The following LARP1B variants were observed in gnomAD, a reference collection of about 807,000 sequenced individuals.
The protein encoded by LARP1B is la-related protein 1B.
In LARP1B, 76 loss-of-function variants were observed where a neutral mutation model predicts 114.2. The ratio of observed to expected loss-of-function variants is 0.67; its 90% CI spans 0.55 to 0.81. The LOEUF is 0.81. Ranked by LOEUF, LARP1B falls within the 30% of genes least tolerant of loss-of-function variation. The pLI is 0.00. For missense variants in LARP1B, 1,014 were observed against 1,075.8 expected, an observed-to-expected ratio of 0.94 and a Z score of 0.80; for synonymous variants, 345 against 348.0, an observed-to-expected ratio of 0.99 and a Z score of 0.10.
rs34136994 is a variant in LARP1B at position 128,181,801 on chromosome 4, CTTTTTTTTTTT to C, written c.2003+2301_2003+2311del. Reference sequence around the variant, plus strand: ...CAAACTTTATTATTATTATGATGTCCTTTTTTTTTTTTTTTTTTTTTTGAGACGAAGTCTCG... The same window carrying C: ...CAAACTTTATTATTATTATGATGTCCTTTTTTTTTTTGAGACGAAGTCTCG... On this transcript the variant is annotated intron_variant, in intron 15 of 19. Transcript: ENST00000326639. Among the ~76,000 whole-genome samples the C allele has an allele frequency of 4.0e-4, 31 of 77,176 alleles. No homozygotes were observed. The East Asian group carries it at 6.1e-3, about 15-fold the overall frequency. The allele number at this position is 77,176 out of a possible 152,430, so 50.6% of individuals were successfully genotyped here.
intron 10 of LARP1B, among the ~76,000 whole-genome samples, chr4:128,116,042 T>A (rs1785691448): frequency 6.6e-6 from 1 of 152,208 alleles, no homozygotes; most frequent in South Asian, 2.1e-4. Flanking sequence ...TATATCTGGT[T>A]TATATATGTT....
chr4:128,066,165 CTTTTTTT>C (rs59927866), intron 1 of LARP1B, among the ~76,000 whole-genome samples: 12 of 99,188 alleles, frequency 1.2e-4, no homozygotes, highest in East Asian at 3.0e-4. Flanking sequence ...TTTCTTTCTT[CTTTTTTT>C]TTTTTTTTTT....
intron 8 of LARP1B, among the ~76,000 whole-genome samples, chr4:128,101,160 C>A (rs551313739): frequency 6.7e-6 from 1 of 149,348 alleles, no homozygotes; most frequent in Non-Finnish European, 1.5e-5. Flanking sequence ...TTTTTGAACA[C>A]GTGTGCTTCG....
exon 8 of LARP1B, chr4:128,222,368 T>G (rs1380832694): frequency 2.2e-6 from 1 of 456,736 alleles, no homozygotes; most frequent in Non-Finnish European, 4.4e-6. Context: ...GATCGATTAC[T>G]TCTGCTCATC....
intron 1 of LARP1B, among the ~76,000 whole-genome samples, chr4:128,063,249 A>G (rs1761013977): frequency 6.6e-6 from 1 of 150,884 alleles, no homozygotes; most frequent in African/African-American, 2.4e-5. Context: ...CAATATGGCG[A>G]AACCCCGTCT....
At chr4:128,198,389 C>T (rs886488099) in intron 15 of LARP1B, among the ~76,000 whole-genome samples, 1 of 152,170 alleles carries the variant, frequency 6.6e-6, no homozygotes, top group Non-Finnish European at 1.5e-5. Flanking sequence ...TCATGTTTGT[C>T]ACACACAAAA....
chr4:128,140,730 T>G (rs535672186), intron 11 of LARP1B, among the ~76,000 whole-genome samples: 3 of 152,188 alleles, frequency 2.0e-5, no homozygotes, highest in Admixed American at 6.5e-5. Flanking sequence ...GGATGGGTAG[T>G]ACAAAAGAGG....
Position 128,162,224 on chromosome 4 carries a change from C to G in LARP1B, c.1555C>G (p.Leu519Val). 6.2e-7 allele frequency: 1 copy of G among 1,612,572 alleles called. No homozygotes were observed. The highest frequency in any genetic ancestry group is 8.5e-7 in the Non-Finnish European group (1 of 1,178,946). Reference protein sequence around the residue: ...QEVENFKKLNLISKEQFENLT... With the variant: ...QEVENFKKLNVISKEQFENLT... ...AGTTGAGAACTTTAAGAAGCTAAAT[C>G]TCATTAGTAAAGAGCAGTTTGAAAA... Residue 519 changes from leucine to valine, a missense_variant, in exon 12 of 20, where the codon CTC becomes GTC. Physicochemically the swap from Leu to Val is conservative, Grantham distance 32 (BLOSUM62 1). Coordinates refer to ENST00000326639, the MANE Select transcript of LARP1B (RefSeq NM_018078.4).
chr4:128,156,097 T>C (rs917078578), intron 11 of LARP1B: 18 of 1,605,912 alleles, frequency 1.1e-5, no homozygotes, highest in African/African-American at 4.0e-5. Context: ...GGTCTTCACC[T>C]ACCCCAGCAC....
chr4:128,152,119 T>G (rs1733063279), intron 11 of LARP1B, among the ~76,000 whole-genome samples: 1 of 152,158 alleles, frequency 6.6e-6, no homozygotes, highest in South Asian at 2.1e-4. Context: ...ATTTTAAAAC[T>G]GTGTTCCCCA....
chr4:128,193,250 GTAGA>G (rs1437201176), intron 15 of LARP1B, among the ~76,000 whole-genome samples: 1 of 152,184 alleles, frequency 6.6e-6, no homozygotes, highest in South Asian at 2.1e-4. Flanking sequence ...TATAGTTTGA[GTAGA>G]TAGTTTAGCA....
Position 128,155,454 on chromosome 4 carries a change from C to T in LARP1B, c.1525-6740C>T, listed in dbSNP as rs967548313. The T allele has an allele frequency of 1.3e-5, 10 of 742,046 alleles. No homozygotes were observed. In the African/African-American group the frequency reaches 1.7e-4, roughly 13 times the overall value. The allele number at this position is 742,046 out of a possible 1,614,324, so 46.0% of individuals were successfully genotyped here. On this transcript the variant is annotated intron_variant, in intron 11 of 19. Transcript: ENST00000326639. ...ATGGCGTGGGTATGGCGACCCCGCG[C>T]AGCCCCCCGGCCGCAGTGCAGGCAG...
rs1782353319 is a variant in LARP1B at position 128,107,016 on chromosome 4, T to A, written c.814-123T>A. 7 of 739,900 alleles carry A rather than the reference T, an allele frequency of 9.5e-6. No individual in the cohort carries two copies. In the South Asian group the frequency reaches 1.2e-4, roughly 12 times the overall value. 45.8% of individuals were successfully genotyped at this position (739,900 alleles called of 1,614,324 possible). ...TGTTCTATGTGGTTAACTTATGGAT[T>A]TTTTAGAATCTTAACTGCAAATTAG... On this transcript the variant is annotated intron_variant, in intron 8 of 19. Transcript: ENST00000326639.
At chr4:128,073,572 G>GTTTTTTTTTTTTTTGTTTTT (rs1766392412) in intron 1 of LARP1B, among the ~76,000 whole-genome samples, 1 of 39,996 alleles carries the variant, frequency 2.5e-5, no homozygotes, top group African/African-American at 8.8e-5. Context: ...TATTGTTGTC[G>GTTTTTTTTTTTTTTGTTTTT]TTTTTTTTTT....
intron 5 of LARP1B, among the ~76,000 whole-genome samples, chr4:128,090,226 T>C (rs1364602058): frequency 6.6e-6 from 1 of 152,000 alleles, no homozygotes; most frequent in Non-Finnish European, 1.5e-5. Context: ...GTGTGTGCTA[T>C]GGCACCCGGA....
chr4:128,106,197 T>C (rs1038535934), intron 8 of LARP1B, among the ~76,000 whole-genome samples: 1 of 152,044 alleles, frequency 6.6e-6, no homozygotes, highest in African/African-American at 2.4e-5. Flanking sequence ...CTAATTTCTG[T>C]ATTTTTAGTA....
At chr4:128,123,394 T>C (rs1788611457) in intron 11 of LARP1B, 2 of 967,268 alleles carry the variant, frequency 2.1e-6, no homozygotes, top group South Asian at 4.8e-5. Flanking sequence ...GTAATACCTA[T>C]CTTAAATCCT....
intron 15 of LARP1B, among the ~76,000 whole-genome samples, chr4:128,197,252 T>G (rs574518571): frequency 1.3e-5 from 2 of 152,330 alleles, no homozygotes; most frequent in Non-Finnish European, 2.9e-5. Context: ...CCTAAAATTC[T>G]TTTTTATTTC....
intron 1 of LARP1B, among the ~76,000 whole-genome samples, chr4:128,065,597 G>A (rs1481352465): frequency 6.6e-6 from 1 of 151,880 alleles, no homozygotes; most frequent in South Asian, 2.1e-4. Flanking sequence ...AGAGATTGTG[G>A]TGTAGAAACA....
Sources: gnomAD v4.1 joint callset for allele counts (sites outside exome capture counted in the v4.1 genomes callset) on GRCh38, gnomAD v4.1.1 for gene constraint, MANE v1.5 for transcripts, NCBI Gene and HGNC (gene_info 2026-07-23, HGNC 2026-07-21) for gene names.